ACYP2: variants seen among roughly 807,000 people sequenced by gnomAD.
ACYP2 encodes acylphosphatase 2.
A neutral mutation model predicts 11.2 loss-of-function variants in ACYP2; 12 were observed. That is an observed-to-expected ratio of 1.08 (90% CI 0.69 to 1.74). The LOEUF is 1.74. Among genes scored for constraint, ACYP2 ranks in the 40% most tolerant of loss-of-function variants. The pLI is 0.00. For missense variants in ACYP2, 134 were observed against 101.9 expected (o/e 1.31, Z -1.35); for synonymous variants, 43 against 32.2 (o/e 1.33, Z -1.13).
At chr2:54,193,108 C>T (rs1326120973) in intron 6 of ACYP2, among the ~76,000 whole-genome samples, 2 of 152,190 alleles carry the variant, frequency 1.3e-5, no homozygotes, top group Non-Finnish European at 2.9e-5. Context: ...CATAATGCTA[C>T]ACTTGGTTCA....
chr2:54,059,438 G>A (rs1012126169), intron 4 of ACYP2, among the ~76,000 whole-genome samples: 6 of 151,784 alleles, frequency 4.0e-5, no homozygotes, highest in African/African-American at 9.7e-5. Context: ...CAGGCTGGTC[G>A]TGACCTCAGG....
At chr2:53,992,243 A>G (rs1672338207) in intron 2 of ACYP2, among the ~76,000 whole-genome samples, 1 of 146,678 alleles carries the variant, frequency 6.8e-6, no homozygotes, top group Non-Finnish European at 1.5e-5. Context: ...TCTTTTCACC[A>G]GTGTCATAGT....
chr2:54,257,755 T>G (rs843701), intron 6 of ACYP2, among the ~76,000 whole-genome samples: 37,860 of 152,046 alleles, frequency 0.25, 5,012 homozygotes, highest in South Asian at 0.46. Flanking sequence ...TTAGACAGCT[T>G]TATGCCAATA....
intron 2 of ACYP2, among the ~76,000 whole-genome samples, chr2:54,035,024 A>AAAAAAAAAAAAAAAAAAAAAAAAAAC (rs1558484917): frequency 7.2e-6 from 1 of 138,344 alleles, no homozygotes; most frequent in Admixed American, 7.0e-5. Context: ...AAAAAAAAAA[A>AAAAAAAAAAAAAAAAAAAAAAAAAAC]AAAAAAAAGC....
intron 6 of ACYP2, chr2:54,256,357 C>T (rs1687535062): frequency 8.5e-6 from 5 of 591,690 alleles, no homozygotes; most frequent in Admixed American, 3.3e-5. Context: ...GTTATTTTAG[C>T]CATCGTGCTG....
chr2:54,072,008 C>T (rs1361959224), intron 4 of ACYP2, among the ~76,000 whole-genome samples: 1 of 151,702 alleles, frequency 6.6e-6, no homozygotes, highest in Non-Finnish European at 1.5e-5. Context: ...GAGACTCTGT[C>T]TCAAAAAAAT....
At chr2:54,096,276 G>GA (rs1376445617) in intron 4 of ACYP2, among the ~76,000 whole-genome samples, 11 of 141,582 alleles carry the variant, frequency 7.8e-5, no homozygotes, top group African/African-American at 3.0e-4. Flanking sequence ...CAGACGATGG[G>GA]TGGCCGGGCA....
At chr2:53,972,027 C>T (rs1195518258) in intron 1 of ACYP2, among the ~76,000 whole-genome samples, 3 of 152,172 alleles carry the variant, frequency 2.0e-5, no homozygotes, top group African/African-American at 7.2e-5. Flanking sequence ...ATTACTCTGG[C>T]GGCCGGGCGC....
At chr2:54,213,423 T>C (rs1405886552) in intron 6 of ACYP2, among the ~76,000 whole-genome samples, 3 of 152,196 alleles carry the variant, frequency 2.0e-5, no homozygotes, top group Admixed American at 6.5e-5. Context: ...GTCTTTATGG[T>C]AGAATGATTT....
chr2:54,112,064 T>C, intron 4 of ACYP2, among the ~76,000 whole-genome samples: 1 of 152,234 alleles, frequency 6.6e-6, no homozygotes, highest in East Asian at 1.9e-4. Context: ...TATTGTCATA[T>C]ATAGATAATA....
At chr2:54,263,013 G>A (rs754281620) in intron 6 of ACYP2, among the ~76,000 whole-genome samples, 1 of 152,142 alleles carries the variant, frequency 6.6e-6, no homozygotes, top group African/African-American at 2.4e-5. Flanking sequence ...TGAGGCTGGA[G>A]TTTGTGTCCA....
At chr2:54,239,336 A>T (rs1686633780) in intron 6 of ACYP2, among the ~76,000 whole-genome samples, 1 of 152,214 alleles carries the variant, frequency 6.6e-6, no homozygotes, top group African/African-American at 2.4e-5. Context: ...AAAGAGACCA[A>T]GAATGGCCTC....
intron 5 of ACYP2, among the ~76,000 whole-genome samples, chr2:54,136,445 G>T (rs1681241990): frequency 6.6e-6 from 1 of 152,086 alleles, no homozygotes; most frequent in Admixed American, 6.6e-5. Context: ...CAACTCCTGA[G>T]GGTTCCAATA....
intron 6 of ACYP2, among the ~76,000 whole-genome samples, chr2:54,202,917 T>C (rs1212664559): frequency 6.6e-6 from 1 of 151,830 alleles, no homozygotes; most frequent in African/African-American, 2.4e-5. Context: ...CCTCCAACTT[T>C]AGACTTCTTT....
At chr2:54,303,492 T>G (rs990476153) in intron 6 of ACYP2, among the ~76,000 whole-genome samples, 2 of 152,240 alleles carry the variant, frequency 1.3e-5, no homozygotes, top group South Asian at 2.1e-4. Flanking sequence ...TCATAAGAAC[T>G]GAGTTTTTTC....
intron 6 of ACYP2, among the ~76,000 whole-genome samples, chr2:54,284,601 A>T (rs745716932): frequency 9.2e-5 from 14 of 151,426 alleles, no homozygotes; most frequent in African/African-American, 1.5e-4. Context: ...TTTTTATCCC[A>T]TCATTCCCAT....
chr2:54,099,598 C>T lies in ACYP2; in HGVS notation c.278-35855C>T, dbSNP rs192455690. ...GTCCTCAGATTCATCCATGTTGTCA[C>T]GAATCACAGGATTTCCTTCTTTGTT... On this transcript the variant is annotated intron_variant, in intron 4 of 6. Coordinates refer to ENST00000607452, the MANE Select transcript of ACYP2 (RefSeq NM_001320586.2). Among the ~76,000 whole-genome samples the T allele has an allele frequency of 2.9e-3, 437 of 152,292 alleles. 1 individual carries two copies. Among genetic ancestry groups the T allele is most frequent in the Middle Eastern group, 0.014 (4 of 292 alleles).
At chr2:54,278,399 T>C (rs1688705947) in intron 6 of ACYP2, among the ~76,000 whole-genome samples, 1 of 152,246 alleles carries the variant, frequency 6.6e-6, no homozygotes, top group South Asian at 2.1e-4. Context: ...GGGTTACATC[T>C]TTTAGCAAGA....
At chr2:54,087,267 A>G (rs1331026400) in intron 4 of ACYP2, among the ~76,000 whole-genome samples, 2 of 152,236 alleles carry the variant, frequency 1.3e-5, no homozygotes, top group African/African-American at 2.4e-5. Context: ...CTGTTTTAGA[A>G]ATTAAAGTGT....
Sources: gnomAD v4.1 joint callset for allele counts (sites outside exome capture counted in the v4.1 genomes callset) on GRCh38, gnomAD v4.1.1 for gene constraint, MANE v1.5 for transcripts, NCBI Gene and HGNC (gene_info 2026-07-23, HGNC 2026-07-21) for gene names.